TRAP1: variants seen among roughly 807,000 people sequenced by gnomAD.
TRAP1 encodes TNF receptor associated protein 1.
Under a neutral mutation model 89.1 loss-of-function variants are expected in TRAP1, and 102 were observed. The observed-to-expected ratio is 1.15, with a 90% CI of 0.98 to 1.35. TRAP1 has a LOEUF of 1.35. Among genes scored for constraint, TRAP1 ranks in the 40% most tolerant of loss-of-function variants. The probability of loss-of-function intolerance (pLI) is 0.00; values close to 1 mark genes in which losing one functional copy is unlikely to be tolerated. For synonymous variants in TRAP1, 508 were observed against 388.0 expected (o/e 1.31, Z -3.64); for missense variants, 1,256 against 945.3 (o/e 1.33, Z -4.31).
At position 3,671,780 on chromosome 16, in the gene TRAP1, T is replaced by C. The variant is rs1330495443; in HGVS notation, c.1177A>G (p.Ser393Gly). 2 of 1,612,678 alleles carry C rather than the reference T, an allele frequency of 1.2e-6. No homozygotes were observed. Among genetic ancestry groups the C allele is most frequent in the East Asian group, 2.2e-5 (1 of 44,886 alleles). The stretch of plus-strand genomic sequence containing the variant: ...CTGAGGTTCAGGGGAATGTCCTCAC[T>C]GTCCACCACACCTGGGAGACACGGC... ...WLRFIRGVVD[S>G]EDIPLNLSRE... is the part of the protein sequence containing the mutation. Residue 393 changes from serine (S) to glycine (G), a missense_variant, in exon 11 of 18, where the codon AGT becomes GGT. Coordinates refer to ENST00000246957, the MANE Select transcript of TRAP1 (RefSeq NM_016292.3).
intron 2 of TRAP1, among the ~76,000 whole-genome samples, chr16:3,690,593 G>A (rs892371322): frequency 6.6e-5 from 10 of 152,206 alleles, no homozygotes; most frequent in African/African-American, 2.4e-4. Context: ...CAGGGGAGGT[G>A]CCGGACGGCA....
chr16:3,678,080 A>C (rs2051023600), intron 5 of TRAP1: 1 of 169,078 alleles, frequency 5.9e-6, no homozygotes, highest in Admixed American at 5.7e-5. Context: ...TGTGGGAAAA[A>C]GAGTAGAAAT....
chr16:3,658,264 G>A (rs1378611543), intron 17 of TRAP1, 34 bp from the exon 18 acceptor site: 3 of 1,528,924 alleles, frequency 2.0e-6, no homozygotes, highest in Non-Finnish European at 2.7e-6. Context: ...ATTATGAGGG[G>A]CATGGGGCAC....
rs144562181 is a variant in TRAP1, at chr16:3,703,991, G to C, written c.89-13006C>G. Among the ~76,000 whole-genome samples the C allele has an allele frequency of 1.2e-3, 187 of 150,186 alleles. 4 individuals are homozygous for C. The East Asian group carries it at 0.035, about 28-fold the overall frequency. ...GATCGCGCCACTGCACTCCAGCCTG[G>C]GCGACAGAGCGAGACCCCGTCTCAA... On this transcript the variant is annotated intron_variant, in intron 1 of 17. Coordinates refer to ENST00000246957, the MANE Select transcript of TRAP1 (RefSeq NM_016292.3).
intron 16 of TRAP1, 168 bp from the exon 17 acceptor site, chr16:3,659,033 G>A: frequency 1.5e-6 from 1 of 662,698 alleles, no homozygotes; most frequent in Non-Finnish European, 2.5e-6. Flanking sequence ...TATATACCCA[G>A]AAAACCCAAG....
chr16:3,700,415 C>T (rs1052524438), intron 1 of TRAP1, among the ~76,000 whole-genome samples: 2 of 151,972 alleles, frequency 1.3e-5, no homozygotes, highest in African/African-American at 4.8e-5. Flanking sequence ...GATCCGCCCA[C>T]ATCGGCCTCC....
chr16:3,665,933 G>A (rs1485117678), intron 12 of TRAP1, 38 bp downstream of exon 12: 4 of 1,595,964 alleles, frequency 2.5e-6, no homozygotes, highest in East Asian at 2.3e-5. Context: ...CCAGGGACAA[G>A]GTGGCCCAGA....
At chr16:3,698,318 CTT>C (rs766928982) in intron 1 of TRAP1, among the ~76,000 whole-genome samples, 21 of 141,580 alleles carry the variant, frequency 1.5e-4, no homozygotes, top group Non-Finnish European at 1.2e-4. Context: ...TCCACAACAA[CTT>C]TTTTTTTTTT....
intron 1 of TRAP1, among the ~76,000 whole-genome samples, chr16:3,714,524 T>A (rs2051572233): frequency 6.6e-6 from 1 of 152,142 alleles, no homozygotes; most frequent in Non-Finnish European, 1.5e-5. Flanking sequence ...CTGGGTGTGG[T>A]GGCATGCGCC....
chr16:3,659,199 CAT>C (rs1357178363), intron 16 of TRAP1: 4 of 234,684 alleles, frequency 1.7e-5, no homozygotes, highest in African/African-American at 9.2e-5. Flanking sequence ...CATGTTGAAA[CAT>C]ATTATAGGGC....
Position 3,676,073 on chromosome 16 carries a change from G to C in TRAP1, c.777C>G (p.Ser259=), listed in dbSNP as rs61753377. 0.059 allele frequency: 95,474 copies of C among 1,613,502 alleles called. 3,115 individuals carry two copies. The highest frequency in any genetic ancestry group is 0.062 in the Non-Finnish European group (73,307 of 1,179,656). ...CCTCGCTGGAAAACTCCTTGCAGTC[G>C]GATTTCAGGTGGATGATGATTTTTG... ...TGTKIIIHLK[S]DCKEFSSEAR... is the part of the protein sequence containing the mutation. Residue 259 remains serine, a synonymous_variant, in exon 7 of 18, where the codon TCC becomes TCG. Coordinates refer to ENST00000246957, the MANE Select transcript of TRAP1 (RefSeq NM_016292.3).
rs763871676 is a variant in TRAP1, at chr16:3,677,638, C to T, written c.564G>A (p.Gln188=). The change falls in exon 6 of 18, where the codon CAG becomes CAA. Residue 188 remains glutamine (Q), a synonymous_variant. Transcript: ENST00000246957. The stretch of plus-strand genomic sequence containing the variant: ...TCTTGCTGCTGGCCTCAGCCTGGTT[C>T]TGCAGAGCATCCAGGAAGGCCTGTG... The part of the protein sequence containing the change: ...SGSKAFLDAL[Q]NQAEASSKII... 1.5e-5 allele frequency: 25 copies of T among 1,614,014 alleles called. No individual in the cohort carries two copies. In the South Asian group the frequency reaches 2.5e-4, roughly 16 times the overall value.
intron 16 of TRAP1, 156 bp downstream of exon 16, chr16:3,661,831 G>T: frequency 1.0e-6 from 1 of 962,238 alleles, no homozygotes; most frequent in Non-Finnish European, 1.4e-6. Context: ...CATTTCACAT[G>T]GGTGCAGCCT....
intron 2 of TRAP1, among the ~76,000 whole-genome samples, chr16:3,690,511 G>A (rs1382726755): frequency 1.3e-5 from 2 of 152,134 alleles, no homozygotes; most frequent in East Asian, 1.9e-4. Context: ...TCGGTCCTGC[G>A]CAGACTGGGC....
chr16:3,702,908 C>T (rs2051386507), intron 1 of TRAP1, among the ~76,000 whole-genome samples: 1 of 150,902 alleles, frequency 6.6e-6, no homozygotes, highest in Non-Finnish European at 1.5e-5. Flanking sequence ...CAGGTGTTGT[C>T]GTGGATGCCT....
At chr16:3,666,965 T>G (rs58376547) in intron 11 of TRAP1, among the ~76,000 whole-genome samples, 297 of 152,302 alleles carry the variant, frequency 2.0e-3, no homozygotes, top group African/African-American at 6.8e-3. Flanking sequence ...ATCCAGAGCA[T>G]GGGAACAACA....
At chr16:3,686,800 G>C (rs962901487) in intron 3 of TRAP1, among the ~76,000 whole-genome samples, 5 of 152,118 alleles carry the variant, frequency 3.3e-5, no homozygotes, top group Non-Finnish European at 7.3e-5. Flanking sequence ...GCAAAACCCA[G>C]TCTCTACTAA....
intron 17 of TRAP1, 22 bp from the exon 18 acceptor site, chr16:3,658,252 C>A: frequency 6.3e-7 from 1 of 1,592,964 alleles, no homozygotes; most frequent in Non-Finnish European, 8.6e-7. Context: ...GAGGAGAAAC[C>A]CATTATGAGG....
intron 8 of TRAP1, chr16:3,674,845 C>A: frequency 2.8e-6 from 1 of 357,472 alleles, no homozygotes; most frequent in East Asian, 5.8e-5. Flanking sequence ...GCAGCTGAGC[C>A]GCGAGGGGGA....
Sources: allele counts gnomAD v4.1 joint callset (sites outside exome capture counted in the v4.1 genomes callset), GRCh38; gene constraint gnomAD v4.1.1; transcripts MANE v1.5; gene names NCBI Gene and HGNC (gene_info 2026-07-23, HGNC 2026-07-21).